Variants in DCBLD2 observed in about 807,000 individuals in gnomAD.
DCBLD2 encodes discoidin, CUB and LCCL domain containing 2.
In DCBLD2, 54 loss-of-function variants were observed where a neutral mutation model predicts 86.8. That is an observed-to-expected ratio of 0.62 (90% CI 0.50 to 0.78). DCBLD2 has a LOEUF of 0.78. Ranked by LOEUF, DCBLD2 falls within the 30% of genes least tolerant of loss-of-function variation. The pLI, the probability that DCBLD2 is intolerant of heterozygous loss-of-function variation, is 0.00. For missense variants in DCBLD2, 908 were observed against 954.2 expected, an observed-to-expected ratio of 0.95 and a Z score of 0.64; for synonymous variants, 354 against 341.3, an observed-to-expected ratio of 1.04 and a Z score of -0.41.
intron 13 of DCBLD2, among the ~76,000 whole-genome samples, chr3:98,803,221 C>T (rs963565832): frequency 1.8e-4 from 28 of 152,150 alleles, no homozygotes; most frequent in Non-Finnish European, 3.1e-4. Flanking sequence ...TCTTTTATTT[C>T]ATTGAGCAGT....
intron 12 of DCBLD2, among the ~76,000 whole-genome samples, chr3:98,808,550 G>A (rs1333530762): frequency 6.6e-6 from 1 of 152,072 alleles, no homozygotes; most frequent in Non-Finnish European, 1.5e-5. Flanking sequence ...AGAAAAATCA[G>A]CAGAGATTAA....
At chr3:98,808,228 C>T in intron 12 of DCBLD2, 54 bp from the exon 13 acceptor site, 3 of 1,439,056 alleles carry the variant, frequency 2.1e-6, no homozygotes, top group Non-Finnish European at 2.8e-6. Context: ...ACACCAAAGG[C>T]AGAAATCACT....
At position 98,847,152 on chromosome 3, in the gene DCBLD2, T is replaced by C. The variant is rs561773538; in HGVS notation, c.571+2309A>G. Among the ~76,000 whole-genome samples the C allele has an allele frequency of 2.0e-5, 3 of 152,292 alleles. No homozygotes were observed. The East Asian group carries it at 5.8e-4, about 29-fold the overall frequency. On this transcript the variant is annotated intron_variant, in intron 3 of 15. Coordinates refer to ENST00000326840, the MANE Select transcript of DCBLD2 (RefSeq NM_080927.4). ...GGTGGGGAACACGTGTATGCATGTG[T>C]ACAGTGGTAGAAGGGGGGAAACTAA...
chr3:98,844,034 G>GCAAACACACACACACA (rs1942671545), intron 3 of DCBLD2, among the ~76,000 whole-genome samples: 1 of 145,526 alleles, frequency 6.9e-6, no homozygotes, highest in African/African-American at 2.5e-5. Flanking sequence ...AATCATGCAT[G>GCAAACACACACACACA]CACACACACA....
intron 1 of DCBLD2, among the ~76,000 whole-genome samples, chr3:98,890,965 G>A (rs1213736525): frequency 2.0e-5 from 3 of 151,956 alleles, no homozygotes; most frequent in Non-Finnish European, 4.4e-5. Context: ...CATGTCCTAC[G>A]CATTCAATGA....
intron 2 of DCBLD2, among the ~76,000 whole-genome samples, chr3:98,867,713 C>T (rs1310425992): frequency 1.3e-5 from 2 of 151,970 alleles, no homozygotes; most frequent in African/African-American, 4.8e-5. Context: ...GTTCAATTGT[C>T]ATCAGACTTC....
chr3:98,801,541 CCCTGTAGGGGAGCGACAT>C, intron 14 of DCBLD2, 41 bp downstream of exon 14: 1 of 1,404,220 alleles, frequency 7.1e-7, no homozygotes, highest in South Asian at 1.3e-5. Context: ...CACTACTGCC[CCCTGTAGGGGAGCGACAT>C]CCCTCTGATA....
chr3:98,801,901 C>A (rs554920248), intron 13 of DCBLD2: 2 of 377,002 alleles, frequency 5.3e-6, no homozygotes, highest in Non-Finnish European at 9.6e-6. Context: ...TTTTTTATGG[C>A]TGCATAGTAT....
In DCBLD2 at chr3:98,881,645, T is replaced by C. The variant is rs1283375411; in HGVS notation, c.328A>G (p.Arg110Gly). The change falls in exon 2 of 16, where the codon AGA becomes GGA. Residue 110 changes from arginine (R) to glycine (G), a missense_variant. Coordinates refer to ENST00000326840, the MANE Select transcript of DCBLD2 (RefSeq NM_080927.4). Reference sequence around the variant, plus strand: ...AAGTCACCAAATTTGATGCGAACTCTCTCTCCCATCTTTACACGGATCTCC... The same window carrying C: ...AAGTCACCAAATTTGATGCGAACTCCCTCTCCCATCTTTACACGGATCTCC... Reference protein sequence around the residue: ...EWEIRVKMGERVRIKFGDFDI... With the variant: ...EWEIRVKMGEGVRIKFGDFDI... 1 of 1,613,968 alleles carries C rather than the reference T, an allele frequency of 6.2e-7. No homozygotes were observed. The highest frequency in any genetic ancestry group is 8.5e-7 in the Non-Finnish European group (1 of 1,179,872).
Position 98,901,659 on chromosome 3 carries a change from G to C in DCBLD2, c.-333C>G, listed in dbSNP as rs949202773. 4 of 193,472 alleles carry C rather than the reference G, an allele frequency of 2.1e-5. No homozygotes were observed. The highest frequency in any genetic ancestry group is 9.3e-5 in the African/African-American group (4 of 42,896). The allele number at this position is 193,472 out of a possible 1,614,324, so 12.0% of individuals were successfully genotyped here. A position where few individuals can be genotyped will look rare whatever the true frequency, so the allele number is the denominator to read the frequency against. On this transcript the variant is annotated 5_prime_UTR_variant, in exon 1 of 16. Coordinates refer to ENST00000326840, the MANE Select transcript of DCBLD2 (RefSeq NM_080927.4). ...CCTCACCAGGGTCGCCGCTCGCCGCGCTCACCCGCGGCTCCGGCTAGCTGG... is the reference window on the plus strand; with the variant it reads ...CCTCACCAGGGTCGCCGCTCGCCGCCCTCACCCGCGGCTCCGGCTAGCTGG...
At chr3:98,802,294 C>G (rs1327359269) in intron 13 of DCBLD2, among the ~76,000 whole-genome samples, 1 of 152,198 alleles carries the variant, frequency 6.6e-6, no homozygotes, top group Non-Finnish European at 1.5e-5. Flanking sequence ...ATTTGCATTT[C>G]TCTGATGGCC....
chr3:98,870,860 T>C (rs994122327), intron 2 of DCBLD2, among the ~76,000 whole-genome samples: 3 of 151,996 alleles, frequency 2.0e-5, no homozygotes, highest in South Asian at 2.1e-4. Context: ...ACTGAATCTG[T>C]AGATTGTTTT....
chr3:98,841,692 A>G (rs932116853), intron 3 of DCBLD2, among the ~76,000 whole-genome samples: 2 of 152,318 alleles, frequency 1.3e-5, no homozygotes, highest in Non-Finnish European at 2.9e-5. Context: ...ACTTACCACA[A>G]TAAGTTGGTA....
intron 12 of DCBLD2, among the ~76,000 whole-genome samples, chr3:98,809,249 C>T (rs896533395): frequency 6.6e-6 from 1 of 152,148 alleles, no homozygotes. Flanking sequence ...CAACCCCCTA[C>T]TTGCCATGAA....
intron 1 of DCBLD2, among the ~76,000 whole-genome samples, chr3:98,883,218 C>T (rs994399193): frequency 6.6e-6 from 1 of 151,996 alleles, no homozygotes; most frequent in Non-Finnish European, 1.5e-5. Context: ...GCATAAATGT[C>T]GAGAAGCTGA....
At chr3:98,831,007 TG>T (rs1250074017) in intron 3 of DCBLD2, among the ~76,000 whole-genome samples, 2 of 152,104 alleles carry the variant, frequency 1.3e-5, no homozygotes, top group African/African-American at 4.8e-5. Flanking sequence ...CAATTGTGAA[TG>T]GGATTGTGTT....
intron 2 of DCBLD2, among the ~76,000 whole-genome samples, chr3:98,872,893 G>A (rs7630800): frequency 0.43 from 65,213 of 151,944 alleles, 14,163 homozygotes; most frequent in Non-Finnish European, 0.45. Context: ...AAATGCGAAT[G>A]GATTTAACTT....
intron 2 of DCBLD2, among the ~76,000 whole-genome samples, chr3:98,857,351 G>A (rs1356390738): frequency 6.6e-6 from 1 of 152,210 alleles, no homozygotes; most frequent in Non-Finnish European, 1.5e-5. Context: ...TGTGTAAGGG[G>A]ACCCAAGCTG....
At chr3:98,864,641 G>T (rs1372596427) in intron 2 of DCBLD2, among the ~76,000 whole-genome samples, 1 of 152,148 alleles carries the variant, frequency 6.6e-6, no homozygotes, top group Non-Finnish European at 1.5e-5. Flanking sequence ...ACTCATAGGT[G>T]GGAATTGAAC....
Sources: gnomAD v4.1 joint callset for allele counts (sites outside exome capture counted in the v4.1 genomes callset) on GRCh38, gnomAD v4.1.1 for gene constraint, MANE v1.5 for transcripts, NCBI Gene and HGNC (gene_info 2026-07-23, HGNC 2026-07-21) for gene names.